Variants in TYRO3 observed in about 807,000 individuals in gnomAD.
TYRO3 encodes the protein TYRO3 protein tyrosine kinase, also known as tyrosine-protein kinase receptor TYRO3.
Under a neutral mutation model 95.2 loss-of-function variants are expected in TYRO3, and 38 were observed. That is an observed-to-expected ratio of 0.40 (90% confidence interval 0.31 to 0.52). The LOEUF (loss-of-function observed/expected upper bound fraction) is 0.52. Ranked by LOEUF, TYRO3 falls within the 20% of genes least tolerant of loss-of-function variation. The pLI is 0.56. For missense variants in TYRO3, 812 were observed against 1,116.4 expected, an observed-to-expected ratio of 0.73 and a Z score of 3.89; for synonymous variants, 367 against 432.9, an observed-to-expected ratio of 0.85 and a Z score of 1.89.
At position 41,559,234 on chromosome 15, in the gene TYRO3, C is replaced by T; in HGVS notation, c.-24C>T. 3 of 342,964 alleles carry T rather than the reference C, an allele frequency of 8.7e-6. No homozygotes were observed. The highest frequency in any genetic ancestry group is 9.9e-6 in the Non-Finnish European group (2 of 201,870). 21.2% of individuals were successfully genotyped at this position (342,964 alleles called of 1,614,324 possible). A position where few individuals can be genotyped will look rare whatever the true frequency, so the allele number is the denominator to read the frequency against. On this transcript the variant is annotated 5_prime_UTR_variant, in exon 1 of 19. Transcript: ENST00000263798. Reference sequence around the variant, plus strand: ...TCCCTCCTCGCTCGCGGGCCGGGCCCGGCATGGTGCGGCGTCGCCGCCGAT... The same window carrying T: ...TCCCTCCTCGCTCGCGGGCCGGGCCTGGCATGGTGCGGCGTCGCCGCCGAT...
chr15:41,573,056 G>T lies in TYRO3; in HGVS notation c.1930G>T (p.Glu644Ter). The change falls in exon 16 of 19, where the codon GAG (glutamate) becomes TAG (stop). Residue 644 changes from glutamate (E) to a stop codon, truncating the protein, a stop_gained. Coordinates refer to ENST00000263798, the MANE Select transcript of TYRO3 (RefSeq NM_006293.4). LOFTEE classifies it high-confidence loss of function. The part of the protein sequence containing the change: ...RFMVDIACGM[E>*]YLSSRNFIHR... ...CATGGTGGACATTGCCTGCGGCATG[G>T]AGTACCTGAGCTCTCGGAACTTCAT... 2 of 1,614,200 alleles carry T rather than the reference G, an allele frequency of 1.2e-6. No individual in the cohort carries two copies. The highest frequency in any genetic ancestry group is 1.7e-6 in the Non-Finnish European group (2 of 1,180,052).
chr15:41,568,713 G>C (rs2055756469), intron 8 of TYRO3, among the ~76,000 whole-genome samples, 165 bp from the exon 9 acceptor site: 2 of 152,222 alleles, frequency 1.3e-5, no homozygotes, highest in East Asian at 3.9e-4. Context: ...CTGCAGCCGG[G>C]AACAGGAATG....
rs147411360 is a variant in TYRO3 at position 41,581,827 on chromosome 15, CAAAAAAAAAA to C, written c.*3562_*3571del. 1.4e-5 allele frequency: 1 copy of C among 69,864 alleles called. No homozygotes were observed. Among genetic ancestry groups the C allele is most frequent in the Non-Finnish European group, 2.5e-5 (1 of 40,020 alleles). The allele number at this position is 69,864 out of a possible 1,614,324, so 4.3% of individuals were successfully genotyped here. Reference sequence around the variant, plus strand: ...TGGGTGACAGAGCGAGACTCCATCTCAAAAAAAAAAAAAAAAAAAAGAGGCCAGGCATGGT... The same window carrying C: ...TGGGTGACAGAGCGAGACTCCATCTCAAAAAAAAAAGAGGCCAGGCATGGT... On this transcript the variant is annotated 3_prime_UTR_variant, in exon 19 of 19. Transcript: ENST00000263798.
At chr15:41,561,963 G>T in intron 3 of TYRO3, 2 of 266,904 alleles carry the variant, frequency 7.5e-6, no homozygotes, top group South Asian at 8.2e-5. Context: ...GGGGAGGAAG[G>T]CTCTGCAGCT....
chr15:41,567,349 C>A lies in TYRO3; in HGVS notation c.784-11C>A, dbSNP rs765244607. 2.1e-6 allele frequency: 3 copies of A among 1,414,078 alleles called. No homozygotes were observed. The highest frequency in any genetic ancestry group is 1.9e-6 in the Non-Finnish European group (2 of 1,064,366). 87.6% of individuals were successfully genotyped at this position (1,414,078 alleles called of 1,614,324 possible). ...TCTCCCCTACATCATTAGTTTTCTG[C>A]TTTTCTGTAGGTGACACAGGCCCCA... is the stretch of plus-strand genomic sequence containing the variant. On this transcript the variant is annotated splice_polypyrimidine_tract_variant and intron_variant, in intron 6 of 18. Transcript: ENST00000263798.
intron 18 of TYRO3, 139 bp downstream of exon 18, chr15:41,573,954 C>G (rs914904922): frequency 5.5e-6 from 5 of 903,862 alleles, no homozygotes; most frequent in Non-Finnish European, 8.4e-6. Flanking sequence ...CACTCCACCT[C>G]ATACTCACTG....
At chr15:41,571,963 G>C (rs1466570502) in intron 14 of TYRO3, among the ~76,000 whole-genome samples, 1 of 151,034 alleles carries the variant, frequency 6.6e-6, no homozygotes, top group East Asian at 1.9e-4. Flanking sequence ...TTTGAGACTA[G>C]CCTGGGCAGT....
At chr15:41,564,367 G>A (rs1013487428) in intron 5 of TYRO3, 97 bp downstream of exon 5, 1 of 1,255,352 alleles carries the variant, frequency 8.0e-7, no homozygotes, top group Non-Finnish European at 1.2e-6. Context: ...AGCTCCCCTT[G>A]TGGTCCTGCT....
intron 18 of TYRO3, among the ~76,000 whole-genome samples, chr15:41,575,422 T>G (rs1008921770): frequency 1.3e-5 from 2 of 152,306 alleles, no homozygotes; most frequent in East Asian, 3.9e-4. Context: ...CTGGAGCTGG[T>G]GCTGTCAATG....
Position 41,578,337 on chromosome 15 carries a change from C to G in TYRO3, c.*61C>G. ...CTCTGGTGGCCACTGAGCTGGCTGA[C>G]TAAGCCCCGTCTGACCCCAGCCCAG... is the stretch of plus-strand genomic sequence containing the variant. On this transcript the variant is annotated 3_prime_UTR_variant, in exon 19 of 19. Transcript: ENST00000263798. 1 of 1,597,318 alleles carries G rather than the reference C, an allele frequency of 6.3e-7. No individual in the cohort carries two copies. The highest frequency in any genetic ancestry group is 8.5e-7 in the Non-Finnish European group (1 of 1,170,620).
In TYRO3 at chr15:41,567,493, C is replaced by T. The variant is rs763176900; in HGVS notation, c.917C>T (p.Pro306Leu). The T allele has an allele frequency of 6.2e-7, 1 of 1,601,484 alleles. No individual in the cohort carries two copies. The highest frequency in any genetic ancestry group is 1.4e-5 in the African/African-American group (1 of 73,990). ...GTGCGCTGTGCCAATGCCTTGGGGC[C>T]CTCTCCCTATGCTGACTGGGTGCCC... ...LRVRCANALG[P>L]SPYADWVPFQ... The change falls in exon 7 of 19, where the codon CCC becomes CTC. Residue 306 changes from proline to leucine, a missense_variant. Pro to Leu is a moderately conservative substitution (Grantham distance 98). Transcript: ENST00000263798.
chr15:41,559,604 G>A (rs1219719499), intron 1 of TYRO3, among the ~76,000 whole-genome samples: 1 of 152,242 alleles, frequency 6.6e-6, no homozygotes, highest in Admixed American at 6.5e-5. Flanking sequence ...CTTCTGGCGG[G>A]GTGGAAGAGA....
intron 9 of TYRO3, 102 bp from the exon 10 acceptor site, chr15:41,569,925 C>G: frequency 6.9e-7 from 1 of 1,459,168 alleles, no homozygotes; most frequent in Non-Finnish European, 9.2e-7. Context: ...CCTTATTGAC[C>G]TAGAGGAGCC....
rs150653270 is a variant in TYRO3, at chr15:41,560,428, TGCGCGCGC to T, written c.125-688_125-681del. 4.9e-3 allele frequency among the ~76,000 whole-genome samples: 659 copies of T among 135,310 alleles called. 6 individuals are homozygous for T. Among genetic ancestry groups the T allele is most frequent in the African/African-American group, 0.018 (619 of 33,568 alleles). 88.8% of individuals were successfully genotyped at this position (135,310 alleles called of 152,430 possible). ...GTGTGTGTGTGTGTGTGTGTGTGTG[TGCGCGCGC>T]GCGCGCGCGCTCGCACGCAAGTTCC... On this transcript the variant is annotated intron_variant, in intron 1 of 18. Coordinates refer to ENST00000263798, the MANE Select transcript of TYRO3 (RefSeq NM_006293.4).
intron 9 of TYRO3, among the ~76,000 whole-genome samples, chr15:41,569,258 C>T (rs2055764596): frequency 6.7e-6 from 1 of 149,274 alleles, no homozygotes; most frequent in Admixed American, 6.7e-5. Context: ...TTGAGACCAG[C>T]TCTGGCAACA....
rs1244768690 is a variant in TYRO3, at chr15:41,578,523, C to CT, written c.*248dup. 3.5e-6 allele frequency: 2 copies of CT among 576,334 alleles called. No individual in the cohort carries two copies. Among genetic ancestry groups the CT allele is most frequent in the African/African-American group, 3.8e-5 (2 of 53,122 alleles). 35.7% of individuals were successfully genotyped at this position (576,334 alleles called of 1,614,324 possible). ...ATGGAAGTGGGCCAGTCCTGGTTGT[C>CT]TGAACCCAGGCAGCTGGCAGGAGTG... On this transcript the variant is annotated 3_prime_UTR_variant, in exon 19 of 19. Coordinates refer to ENST00000263798, the MANE Select transcript of TYRO3 (RefSeq NM_006293.4).
At position 41,564,379 on chromosome 15, in the gene TYRO3, G is replaced by A. The variant is rs1448463352; in HGVS notation, c.667+109G>A. 8 of 1,096,728 alleles carry A rather than the reference G, an allele frequency of 7.3e-6. No homozygotes were observed. In the African/African-American group the frequency reaches 7.7e-5, roughly 11 times the overall value. The allele number at this position is 1,096,728 out of a possible 1,614,324, so 67.9% of individuals were successfully genotyped here. A position where few individuals can be genotyped will look rare whatever the true frequency, so the allele number is the denominator to read the frequency against. Reference sequence around the variant, plus strand: ...TCCAGCTCCCCTTGTGGTCCTGCTGGGATCTAGGGAGCAAGGGGTTAATTG... The same window carrying A: ...TCCAGCTCCCCTTGTGGTCCTGCTGAGATCTAGGGAGCAAGGGGTTAATTG... On this transcript the variant is annotated intron_variant, in intron 5 of 18. Coordinates refer to ENST00000263798, the MANE Select transcript of TYRO3 (RefSeq NM_006293.4).
chr15:41,564,695 C>A (rs1675900597), intron 5 of TYRO3: 1 of 385,678 alleles, frequency 2.6e-6, no homozygotes, highest in South Asian at 2.7e-5. Context: ...CAGGCTGTGG[C>A]TGCAGGGGCA....
At chr15:41,575,911 C>G (rs2055854199) in intron 18 of TYRO3, among the ~76,000 whole-genome samples, 1 of 151,894 alleles carries the variant, frequency 6.6e-6, no homozygotes, top group African/African-American at 2.4e-5. Flanking sequence ...TCCAGACCAG[C>G]CTGACCAACA....
Sources: gnomAD v4.1 joint callset for allele counts (sites outside exome capture counted in the v4.1 genomes callset) on GRCh38, gnomAD v4.1.1 for gene constraint, MANE v1.5 for transcripts, NCBI Gene and HGNC (gene_info 2026-07-23, HGNC 2026-07-21) for gene names.